Variants in NEBL observed in about 807,000 individuals in gnomAD.
The protein encoded by NEBL is LIM and SH3 protein 2.
Under a neutral mutation model 140.2 loss-of-function variants are expected in NEBL, and 122 were observed. The observed-to-expected ratio is 0.87, with a 90% CI of 0.75 to 1.01. The LOEUF (loss-of-function observed/expected upper bound fraction) is 1.01, where lower values mean the gene tolerates loss of function less well. NEBL is among the 50% of genes least tolerant of loss of function. The pLI is 0.00. For synonymous variants in NEBL, 436 were observed against 398.9 expected (o/e 1.09, Z -1.11); for missense variants, 1,365 against 1,231.3 (o/e 1.11, Z -1.62).
At chr10:21,222,881 A>G (rs10828220) in intron 3 of NEBL, among the ~76,000 whole-genome samples, 42,807 of 151,632 alleles carry the variant, frequency 0.28, 10,935 homozygotes, top group African/African-American at 0.69. Context: ...TCTGGCCTCA[A>G]CCTCCCAAGT....
intron 26 of NEBL, among the ~76,000 whole-genome samples, chr10:20,790,056 C>T (rs778647413): frequency 1.8e-4 from 27 of 151,320 alleles, no homozygotes; most frequent in Non-Finnish European, 3.5e-4. Flanking sequence ...TTAAATATAG[C>T]AAGAAAAGAA....
At chr10:21,091,862 A>C (rs1197630079) in intron 2 of NEBL, among the ~76,000 whole-genome samples, 1 of 152,012 alleles carries the variant, frequency 6.6e-6, no homozygotes, top group Admixed American at 6.6e-5. Flanking sequence ...GAACTCCTGG[A>C]CTCAAGCAAT....
chr10:21,151,706 G>A (rs747686935), intron 2 of NEBL, among the ~76,000 whole-genome samples: 5 of 151,070 alleles, frequency 3.3e-5, no homozygotes, highest in East Asian at 1.9e-4. Flanking sequence ...TTTCCCACAC[G>A]CCCCAGGTTC....
chr10:20,909,981 T>A (rs1848264062), intron 4 of NEBL, among the ~76,000 whole-genome samples: 1 of 152,192 alleles, frequency 6.6e-6, no homozygotes, highest in African/African-American at 2.4e-5. Flanking sequence ...TGTATTTCAC[T>A]GTGTGTCAGC....
chr10:20,938,956 G>T (rs1834673286), intron 4 of NEBL, among the ~76,000 whole-genome samples: 2 of 152,178 alleles, frequency 1.3e-5, no homozygotes. Flanking sequence ...CCAAATCTAT[G>T]TCTGCTTGGT....
chr10:21,263,544 GT>G (rs2132282772), intron 1 of NEBL, among the ~76,000 whole-genome samples: 1 of 152,288 alleles, frequency 6.6e-6, no homozygotes, highest in African/African-American at 2.4e-5. Context: ...ATGCTTACTT[GT>G]GTGTGCTCTC....
intron 26 of NEBL, among the ~76,000 whole-genome samples, chr10:20,799,074 T>A (rs1466255342): frequency 6.6e-6 from 1 of 152,176 alleles, no homozygotes; most frequent in African/African-American, 2.4e-5. Context: ...TGGTAAAATA[T>A]AATCATATGA....
rs1848131591 is a variant in NEBL at position 20,907,252 on chromosome 10, C to T, written c.357+54420G>A. Among the ~76,000 whole-genome samples the T allele has an allele frequency of 2.0e-5, 3 of 151,950 alleles. No homozygotes were observed. In the South Asian group the frequency reaches 6.2e-4, roughly 32 times the overall value. On this transcript the variant is annotated intron_variant, in intron 4 of 6. Transcript: ENST00000417816. ...AATTTCCAGACCTGTCTAAATAAGT[C>T]TTCAGTGTGGAAATGTATTTTATTA... is the stretch of plus-strand genomic sequence containing the variant.
At chr10:20,975,027 T>G (rs1836730994) in intron 3 of NEBL, among the ~76,000 whole-genome samples, 1 of 152,230 alleles carries the variant, frequency 6.6e-6, no homozygotes, top group Non-Finnish European at 1.5e-5. Flanking sequence ...GGTACAATTA[T>G]ATTTGTCCTT....
intron 2 of NEBL, among the ~76,000 whole-genome samples, chr10:21,075,644 C>T (rs1311994179): frequency 6.6e-6 from 1 of 152,086 alleles, no homozygotes; most frequent in Non-Finnish European, 1.5e-5. Flanking sequence ...AGAGGGAGGC[C>T]CTCATTTTCC....
chr10:20,789,235 T>G (rs1835705427), intron 26 of NEBL, among the ~76,000 whole-genome samples: 1 of 152,226 alleles, frequency 6.6e-6, no homozygotes, highest in South Asian at 2.1e-4. Flanking sequence ...CATTAATTAC[T>G]ACTTGAATCT....
chr10:20,787,448 G>T, intron 26 of NEBL, 140 bp from the exon 27 acceptor site: 1 of 724,946 alleles, frequency 1.4e-6, no homozygotes. Flanking sequence ...AATTTAAGTT[G>T]CAGTGTTATA....
chr10:20,806,550 G>C (rs956477398), intron 26 of NEBL, among the ~76,000 whole-genome samples: 1 of 152,244 alleles, frequency 6.6e-6, no homozygotes, highest in African/African-American at 2.4e-5. Context: ...AAGGCCAGAT[G>C]CAGCTGCGCT....
intron 3 of NEBL, among the ~76,000 whole-genome samples, chr10:20,976,774 A>AGGAG (rs971996329): frequency 2.5e-4 from 38 of 151,952 alleles, no homozygotes; most frequent in Middle Eastern, 6.8e-3. Context: ...TTCAAAAGGG[A>AGGAG]GGAGGGAGGG....
intron 3 of NEBL, among the ~76,000 whole-genome samples, chr10:21,186,263 C>CACAA (rs1841470035): frequency 7.0e-6 from 1 of 143,376 alleles, no homozygotes; most frequent in Non-Finnish European, 1.5e-5. Context: ...TACAAACACA[C>CACAA]ACACACACAC....
intron 26 of NEBL, among the ~76,000 whole-genome samples, chr10:20,789,081 C>G (rs1281487153): frequency 6.6e-6 from 1 of 152,130 alleles, no homozygotes; most frequent in Non-Finnish European, 1.5e-5. Flanking sequence ...CCTGGAGCAC[C>G]GAGGGTCTTG....
At chr10:21,291,758 C>A (rs1843146742) in intron 1 of NEBL, among the ~76,000 whole-genome samples, 1 of 149,794 alleles carries the variant, frequency 6.7e-6, no homozygotes, top group Non-Finnish European at 1.5e-5. Context: ...ACTAAAAATA[C>A]AAAAAAATTA....
At chr10:20,928,738 C>T (rs1834030666) in intron 4 of NEBL, among the ~76,000 whole-genome samples, 1 of 152,192 alleles carries the variant, frequency 6.6e-6, no homozygotes, top group Non-Finnish European at 1.5e-5. Flanking sequence ...AACTTTGCTC[C>T]TGCTGTAATC....
rs115523390 is a variant in NEBL at position 20,881,165 on chromosome 10, C to T, written c.370-261G>A. Among the ~76,000 whole-genome samples, 827 of 152,108 alleles carry T rather than the reference C, an allele frequency of 5.4e-3. 2 individuals carry two copies. Among genetic ancestry groups the T allele is most frequent in the African/African-American group, 0.018 (753 of 41,456 alleles). On this transcript the variant is annotated intron_variant, in intron 4 of 27. Coordinates refer to ENST00000377122, the MANE Select transcript of NEBL (RefSeq NM_006393.3). ...CCATTTTTATTCATCTAGCTTAAAC[C>T]TCGGGTGTAGTTTTGGGAAATCATC...
Sources: gnomAD v4.1 joint callset for allele counts (sites outside exome capture counted in the v4.1 genomes callset) on GRCh38, gnomAD v4.1.1 for gene constraint, MANE v1.5 for transcripts, NCBI Gene and HGNC (gene_info 2026-07-23, HGNC 2026-07-21) for gene names.